The following IKZF1 variants were observed in gnomAD, a reference collection of about 807,000 sequenced individuals.
The protein encoded by IKZF1 is DNA-binding protein Ikaros.
A neutral mutation model predicts 51.7 loss-of-function variants in IKZF1; 10 were observed. The ratio of observed to expected loss-of-function variants is 0.19; its 90% CI spans 0.12 to 0.33. The LOEUF (loss-of-function observed/expected upper bound fraction) is 0.33, where lower values mean the gene tolerates loss of function less well. Ranked by LOEUF, IKZF1 falls within the 10% of genes least tolerant of loss-of-function variation. IKZF1 has a pLI of 1.00. For synonymous variants in IKZF1, 280 were observed against 282.3 expected, an observed-to-expected ratio of 0.99 and a Z score of 0.08; for missense variants, 484 against 707.5, an observed-to-expected ratio of 0.68 and a Z score of 3.58.
chr7:50,353,863 G>A (rs1802522950), intron 3 of IKZF1, among the ~76,000 whole-genome samples: 1 of 152,198 alleles, frequency 6.6e-6, no homozygotes, highest in African/African-American at 2.4e-5. Context: ...GGAAGTTGCT[G>A]TTGTCCCGGG....
chr7:50,328,654 C>T (rs986178791), intron 3 of IKZF1: 1 of 152,176 alleles, frequency 6.6e-6, no homozygotes, highest in Non-Finnish European at 1.5e-5. Flanking sequence ...CATAAGCCCC[C>T]ATAGCCAAGG....
intron 4 of IKZF1, among the ~76,000 whole-genome samples, chr7:50,379,173 C>T (rs1210523445): frequency 1.3e-5 from 2 of 152,194 alleles, no homozygotes; most frequent in African/African-American, 2.4e-5. Context: ...AGCACAGAGC[C>T]GCCTCAGGCA....
At chr7:50,368,455 A>G in intron 3 of IKZF1, 1 of 608,486 alleles carries the variant, frequency 1.6e-6, no homozygotes, top group Non-Finnish European at 2.9e-6. Context: ...TAATTTTTAC[A>G]ATTTTGTGGG....
At chr7:50,368,501 T>C (rs1807674922) in intron 3 of IKZF1, 1 of 593,614 alleles carries the variant, frequency 1.7e-6, no homozygotes, top group African/African-American at 1.9e-5. Flanking sequence ...TCTGTGGTTC[T>C]GGAGTATTAA....
chr7:50,319,763 T>A (rs1377647075), intron 2 of IKZF1, among the ~76,000 whole-genome samples: 1 of 152,200 alleles, frequency 6.6e-6, no homozygotes, highest in East Asian at 1.9e-4. Flanking sequence ...GCAGCTTTCA[T>A]GGACTTTGGG....
chr7:50,322,758 G>C (rs547887147), intron 2 of IKZF1, among the ~76,000 whole-genome samples: 1 of 152,296 alleles, frequency 6.6e-6, no homozygotes, highest in African/African-American at 2.4e-5. Flanking sequence ...GGAACTGAGA[G>C]ATCTGCATCA....
At chr7:50,364,894 A>C (rs1806399064) in intron 3 of IKZF1, among the ~76,000 whole-genome samples, 1 of 152,204 alleles carries the variant, frequency 6.6e-6, no homozygotes, top group Admixed American at 6.5e-5. Context: ...GGCAGGGCTA[A>C]GAGGTGTAGC....
At chr7:50,355,571 A>G (rs1236004396) in intron 3 of IKZF1, among the ~76,000 whole-genome samples, 1 of 151,960 alleles carries the variant, frequency 6.6e-6, no homozygotes, top group African/African-American at 2.4e-5. Context: ...ATTTTACTGA[A>G]TCTGCAGTCT....
chr7:50,323,333 T>C (rs936227879), intron 2 of IKZF1, among the ~76,000 whole-genome samples: 6 of 152,216 alleles, frequency 3.9e-5, no homozygotes, highest in Non-Finnish European at 7.3e-5. Context: ...TCTCCACTAC[T>C]TTATAGAGTT....
At chr7:50,392,303 A>C (rs956381557) in intron 7 of IKZF1, among the ~76,000 whole-genome samples, 3 of 152,210 alleles carry the variant, frequency 2.0e-5, no homozygotes, top group Non-Finnish European at 4.4e-5. Flanking sequence ...AATGGGAGGA[A>C]TCATACAGTG....
At chr7:50,364,126 G>A (rs1402218755) in intron 3 of IKZF1, among the ~76,000 whole-genome samples, 3 of 152,110 alleles carry the variant, frequency 2.0e-5, no homozygotes, top group East Asian at 1.9e-4. Context: ...CAGTGTTCTC[G>A]AATTTGAAAG....
At chr7:50,330,178 C>A (rs1190939271) in intron 3 of IKZF1, among the ~76,000 whole-genome samples, 4 of 152,144 alleles carry the variant, frequency 2.6e-5, no homozygotes, top group African/African-American at 9.7e-5. Context: ...CTGGCCCTGC[C>A]CTTTATCATG....
intron 7 of IKZF1, 112 bp from the exon 8 acceptor site, chr7:50,399,806 C>T: frequency 6.8e-7 from 1 of 1,470,714 alleles, no homozygotes; most frequent in Non-Finnish European, 9.0e-7. Context: ...GTGCTGGGCC[C>T]CCAGGCCGTG....
chr7:50,325,719 G>A (rs1162651915), intron 2 of IKZF1, among the ~76,000 whole-genome samples: 1 of 151,852 alleles, frequency 6.6e-6, no homozygotes, highest in Non-Finnish European at 1.5e-5. Flanking sequence ...AGCTTGCAGT[G>A]AGCCAAGATC....
intron 3 of IKZF1, among the ~76,000 whole-genome samples, chr7:50,342,509 A>G (rs1235437872): frequency 2.0e-5 from 3 of 152,216 alleles, no homozygotes; most frequent in Non-Finnish European, 4.4e-5. Context: ...CTGTAAGTAA[A>G]CTAAGCTGCA....
At chr7:50,319,567 G>A (rs991458395) in intron 2 of IKZF1, among the ~76,000 whole-genome samples, 1 of 152,168 alleles carries the variant, frequency 6.6e-6, no homozygotes, top group Non-Finnish European at 1.5e-5. Flanking sequence ...TTCTCATCCA[G>A]GAGACCCAGG....
At chr7:50,352,513 T>A (rs896855711) in intron 3 of IKZF1, among the ~76,000 whole-genome samples, 1 of 152,332 alleles carries the variant, frequency 6.6e-6, no homozygotes, top group South Asian at 2.1e-4. Flanking sequence ...ACTTTCTTTC[T>A]CATTCTTGAC....
chr7:50,336,686 G>A (rs1302970299), intron 3 of IKZF1, among the ~76,000 whole-genome samples: 3 of 152,220 alleles, frequency 2.0e-5, no homozygotes, highest in Non-Finnish European at 4.4e-5. Flanking sequence ...GGTTCCATCC[G>A]TTGGCTGCAT....
chr7:50,339,756 AAAAG>A (rs1218517768), intron 3 of IKZF1, among the ~76,000 whole-genome samples: 28 of 152,194 alleles, frequency 1.8e-4, no homozygotes, highest in East Asian at 9.6e-4. Context: ...CAAAAAAAAA[AAAAG>A]AAAGAAAGAA....
Sources: gnomAD v4.1 joint callset for allele counts (sites outside exome capture counted in the v4.1 genomes callset) on GRCh38, gnomAD v4.1.1 for gene constraint, MANE v1.5 for transcripts, NCBI Gene and HGNC (gene_info 2026-07-23, HGNC 2026-07-21) for gene names.